Variants in PPP3CA observed in about 807,000 individuals in gnomAD.
The protein encoded by PPP3CA is CAM-PRP catalytic subunit.
A neutral mutation model predicts 66.5 loss-of-function variants in PPP3CA; 14 were observed. The ratio of observed to expected loss-of-function variants is 0.21; its 90% confidence interval spans 0.14 to 0.33. PPP3CA has a LOEUF of 0.33. PPP3CA is among the 10% of genes least tolerant of loss of function. The pLI, the probability that PPP3CA is intolerant of heterozygous loss-of-function variation, is 1.00. For synonymous variants in PPP3CA, 232 were observed against 226.2 expected (o/e 1.03, Z -0.23); for missense variants, 317 against 639.5 (o/e 0.50, Z 5.44).
intron 2 of PPP3CA, among the ~76,000 whole-genome samples, chr4:101,125,763 C>A (rs1452763037): frequency 2.0e-5 from 3 of 152,164 alleles, no homozygotes; most frequent in African/African-American, 7.2e-5. Flanking sequence ...GGAAAACTCA[C>A]TGAAACCATT....
At chr4:101,099,156 A>C (rs1206268769) in intron 4 of PPP3CA, among the ~76,000 whole-genome samples, 1 of 152,174 alleles carries the variant, frequency 6.6e-6, no homozygotes, top group Non-Finnish European at 1.5e-5. Flanking sequence ...AAGAAATTGA[A>C]AAAAGCACTC....
rs896402656 is a variant in PPP3CA, at chr4:101,162,684, G to A, written c.259+33232C>T. ...GAATTTCTTAGTTGATCCACTCAAA[G>A]AAATGGAGTCCCCAAACACATATGC... On this transcript the variant is annotated intron_variant, in intron 2 of 13. Coordinates refer to ENST00000394854, the MANE Select transcript of PPP3CA (RefSeq NM_000944.5). Among the ~76,000 whole-genome samples the A allele has an allele frequency of 2.5e-4, 38 of 152,078 alleles. 1 individual carries two copies. Among genetic ancestry groups the A allele is most frequent in the African/African-American group, 8.9e-4 (37 of 41,384 alleles).
intron 2 of PPP3CA, among the ~76,000 whole-genome samples, chr4:101,126,889 C>T (rs944985089): frequency 4.6e-5 from 7 of 152,176 alleles, no homozygotes; most frequent in African/African-American, 1.4e-4. Context: ...TACATTAACA[C>T]TTTGAAATTG....
At chr4:101,262,678 G>A (rs1727046038) in intron 1 of PPP3CA, among the ~76,000 whole-genome samples, 1 of 152,042 alleles carries the variant, frequency 6.6e-6, no homozygotes, top group Admixed American at 6.6e-5. Context: ...CAGGTCTCCT[G>A]ACTCTCATGG....
intron 2 of PPP3CA, among the ~76,000 whole-genome samples, chr4:101,195,715 T>C (rs1010257951): frequency 2.0e-5 from 3 of 152,186 alleles, no homozygotes; most frequent in African/African-American, 7.2e-5. Context: ...TTTTAGAGCA[T>C]TGCAATCTTA....
intron 2 of PPP3CA, among the ~76,000 whole-genome samples, chr4:101,179,083 C>G (rs1724155464): frequency 6.6e-6 from 1 of 151,954 alleles, no homozygotes; most frequent in Admixed American, 6.6e-5. Context: ...TATTTGACTC[C>G]CCACAATTTT....
At chr4:101,066,004 C>A (rs1728664436) in intron 8 of PPP3CA, among the ~76,000 whole-genome samples, 1 of 151,994 alleles carries the variant, frequency 6.6e-6, no homozygotes, top group Admixed American at 6.6e-5. Flanking sequence ...TTATGTGTGG[C>A]CCTTTACAAA....
chr4:101,294,844 G>T (rs900469909), intron 1 of PPP3CA, among the ~76,000 whole-genome samples: 4 of 151,288 alleles, frequency 2.6e-5, no homozygotes, highest in Admixed American at 6.6e-5. Context: ...AAACCCACCC[G>T]CTTCCTGCAC....
At chr4:101,315,328 T>C (rs1728851494) in intron 1 of PPP3CA, among the ~76,000 whole-genome samples, 1 of 152,216 alleles carries the variant, frequency 6.6e-6, no homozygotes, top group Non-Finnish European at 1.5e-5. Context: ...ATCTAAGGCA[T>C]TTTGTTAGAG....
chr4:101,174,756 G>C (rs1724000657), intron 2 of PPP3CA, among the ~76,000 whole-genome samples: 1 of 152,136 alleles, frequency 6.6e-6, no homozygotes, highest in Non-Finnish European at 1.5e-5. Flanking sequence ...TAGGGAAAGG[G>C]AACAAAGCCT....
chr4:101,178,455 T>C lies in PPP3CA; in HGVS notation c.259+17461A>G, dbSNP rs565282487. Reference sequence around the variant, plus strand: ...CATCTGAAATTTTTATTTAAAATCATGGTCATACTGCCCCTGAAAATAATG... The same window carrying C: ...CATCTGAAATTTTTATTTAAAATCACGGTCATACTGCCCCTGAAAATAATG... On this transcript the variant is annotated intron_variant, in intron 2 of 13. Coordinates refer to ENST00000394854, the MANE Select transcript of PPP3CA (RefSeq NM_000944.5). Among the ~76,000 whole-genome samples the C allele has an allele frequency of 4.6e-5, 7 of 152,242 alleles. No individual in the cohort carries two copies. The South Asian group carries it at 1.4e-3, about 32-fold the overall frequency.
chr4:101,212,029 A>G (rs1725313785), intron 1 of PPP3CA, among the ~76,000 whole-genome samples: 1 of 152,206 alleles, frequency 6.6e-6, no homozygotes, highest in Non-Finnish European at 1.5e-5. Flanking sequence ...CACACTTGCA[A>G]AAGTGCTTTG....
intron 1 of PPP3CA, among the ~76,000 whole-genome samples, chr4:101,220,882 C>T (rs1725604051): frequency 6.6e-6 from 1 of 151,628 alleles, no homozygotes; most frequent in Non-Finnish European, 1.5e-5. Context: ...GCCTTAAATT[C>T]CTCTTGTAGT....
chr4:101,261,083 T>C (rs746176355), intron 1 of PPP3CA, among the ~76,000 whole-genome samples: 1 of 152,152 alleles, frequency 6.6e-6, no homozygotes, highest in Non-Finnish European at 1.5e-5. Context: ...ATTTACTATA[T>C]AGCAGTCTCT....
intron 8 of PPP3CA, among the ~76,000 whole-genome samples, chr4:101,066,293 G>A (rs1156234577): frequency 6.6e-6 from 1 of 152,044 alleles, no homozygotes; most frequent in Non-Finnish European, 1.5e-5. Flanking sequence ...AAGCCAGGAG[G>A]CCAGACTACA....
chr4:101,223,598 A>G (rs1455819034), intron 1 of PPP3CA, among the ~76,000 whole-genome samples: 1 of 151,834 alleles, frequency 6.6e-6, no homozygotes, highest in African/African-American at 2.4e-5. Flanking sequence ...GGGATACTGT[A>G]TTTGCAAAGC....
chr4:101,078,983 C>G (rs1396035464), intron 8 of PPP3CA, among the ~76,000 whole-genome samples: 2 of 152,206 alleles, frequency 1.3e-5, no homozygotes, highest in Non-Finnish European at 1.5e-5. Flanking sequence ...AAAAACTGCA[C>G]TATGCCTTAC....
chr4:101,346,756 G>C lies in PPP3CA; in HGVS notation c.41C>G (p.Thr14Ser). The C allele has an allele frequency of 6.2e-7, 1 of 1,611,746 alleles. No individual in the cohort carries two copies. Among genetic ancestry groups the C allele is most frequent in the Non-Finnish European group, 8.5e-7 (1 of 1,179,262 alleles). Reference sequence around the variant, plus strand: ...CCGCTTACCTTTCACCACCCTGTCGGTCGTCGACAACTTGGGATCAATTGC... The same window carrying C: ...CCGCTTACCTTTCACCACCCTGTCGCTCGTCGACAACTTGGGATCAATTGC... ...PKAIDPKLST[T>S]DRVVKAVPFP... Residue 14 changes from threonine to serine, a missense_variant, in exon 1 of 14, where the codon ACC becomes AGC. Physicochemically the swap from Thr to Ser is moderately conservative, Grantham distance 58. Transcript: ENST00000394854.
chr4:101,231,394 C>A (rs574927667), intron 1 of PPP3CA, among the ~76,000 whole-genome samples: 73 of 151,740 alleles, frequency 4.8e-4, no homozygotes, highest in African/African-American at 1.8e-3. Flanking sequence ...AATTAGGAAT[C>A]AGAAATGAGA....
Sources: gnomAD v4.1 joint callset for allele counts (sites outside exome capture counted in the v4.1 genomes callset) on GRCh38, gnomAD v4.1.1 for gene constraint, MANE v1.5 for transcripts, NCBI Gene and HGNC (gene_info 2026-07-23, HGNC 2026-07-21) for gene names.